Variants in CAB39L observed in about 807,000 individuals in gnomAD.
CAB39L encodes calcium-binding protein 39-like.
A neutral mutation model predicts 39.1 loss-of-function variants in CAB39L; 23 were observed. The observed-to-expected ratio is 0.59, with a 90% CI of 0.42 to 0.83. The LOEUF (loss-of-function observed/expected upper bound fraction) is 0.83, where lower values mean the gene tolerates loss of function less well. Among genes scored for constraint, CAB39L ranks in the 40% least tolerant of loss-of-function variants. The pLI is 0.00. For synonymous variants in CAB39L, 126 were observed against 137.2 expected (o/e 0.92, Z 0.57); for missense variants, 366 against 391.9 (o/e 0.93, Z 0.56).
chr13:49,348,140 T>A (rs1241894914), intron 7 of CAB39L, among the ~76,000 whole-genome samples: 4 of 152,154 alleles, frequency 2.6e-5, no homozygotes, highest in Middle Eastern at 6.8e-3. Context: ...ACCCGGACGC[T>A]AGAGGCCTTG....
In CAB39L at chr13:49,382,871, G is replaced by A. The variant is rs1566106191; in HGVS notation, c.40C>T (p.Pro14Ser). 1 of 1,611,218 alleles carries A rather than the reference G, an allele frequency of 6.2e-7. No homozygotes were observed. Among genetic ancestry groups the A allele is most frequent in the Non-Finnish European group, 8.5e-7 (1 of 1,178,746 alleles). Residue 14 changes from proline to serine, a missense_variant, in exon 4 of 11, where the codon CCA (proline) becomes TCA (serine). By Grantham distance (74) the Pro-to-Ser change is moderately conservative (BLOSUM62 -1). Coordinates refer to ENST00000409308, the MANE Select transcript of CAB39L (RefSeq NM_001079670.3). ...TTCAGGATTTTCACAATTTCTGCTG[G>A]ATTTTTGTGTGATTTACTAAACAAA... Reference protein sequence around the residue: ...MPLFSKSHKNPAEIVKILKDN... With the variant: ...MPLFSKSHKNSAEIVKILKDN...
chr13:49,339,883 G>A (rs1475749116), intron 8 of CAB39L, 141 bp from the exon 9 acceptor site: 5 of 1,054,106 alleles, frequency 4.7e-6, no homozygotes, highest in Non-Finnish European at 6.1e-6. Context: ...GACACTGGGG[G>A]ACAGGGAGGT....
At chr13:49,329,229 G>A (rs1410722974) in intron 10 of CAB39L, among the ~76,000 whole-genome samples, 1 of 152,080 alleles carries the variant, frequency 6.6e-6, no homozygotes, top group East Asian at 1.9e-4. Context: ...ATATCTGGTA[G>A]AGAAGATTAC....
intron 9 of CAB39L, among the ~76,000 whole-genome samples, chr13:49,337,973 G>T (rs900779152): frequency 2.6e-5 from 4 of 152,112 alleles, no homozygotes; most frequent in Non-Finnish European, 5.9e-5. Context: ...TTAACTAAAT[G>T]GAATGTCTTA....
At chr13:49,425,891 T>C (rs189636669) in intron 3 of CAB39L, among the ~76,000 whole-genome samples, 93 of 152,360 alleles carry the variant, frequency 6.1e-4, no homozygotes, top group African/African-American at 2.2e-3. Flanking sequence ...TTCTTTTTAA[T>C]GAAAGGTAGC....
Position 49,377,042 on chromosome 13 carries a change from A to T in CAB39L, c.201T>A (p.Ala67=), listed in dbSNP as rs1216114802. The T allele has an allele frequency of 3.1e-6, 5 of 1,613,752 alleles. No individual in the cohort carries two copies. In the Admixed American group the frequency reaches 8.3e-5, roughly 27 times the overall value. The change falls in exon 5 of 11, where the codon GCT becomes GCA. Residue 67 remains alanine, a synonymous_variant. Transcript: ENST00000409308. ...TGCTGTAGAGTTCTTGTGCTAGCTG[A>T]GCCACTGCTTCTGTTGGGGGTTCTT... ...NEKEPPTEAV[A]QLAQELYSSG... is the part of the protein sequence containing the mutation.
chr13:49,398,972 T>C (rs1476629114), intron 3 of CAB39L, among the ~76,000 whole-genome samples: 1 of 152,126 alleles, frequency 6.6e-6, no homozygotes, highest in African/African-American at 2.4e-5. Flanking sequence ...TCTTTTCTTG[T>C]TCTCTTCAGA....
chr13:49,397,329 T>A (rs150212826), intron 3 of CAB39L, among the ~76,000 whole-genome samples: 30 of 152,216 alleles, frequency 2.0e-4, no homozygotes, highest in African/African-American at 6.7e-4. Context: ...TAACCAAATT[T>A]GAGGGAGAGG....
intron 1 of CAB39L, among the ~76,000 whole-genome samples, chr13:49,442,782 C>T (rs1957551484): frequency 1.1e-5 from 1 of 87,106 alleles, no homozygotes; most frequent in Non-Finnish European, 2.0e-5. Context: ...CAAGAGACTC[C>T]ATCTCAAAAA....
chr13:49,415,246 G>A (rs1957063659), intron 3 of CAB39L, among the ~76,000 whole-genome samples: 1 of 151,556 alleles, frequency 6.6e-6, no homozygotes, highest in African/African-American at 2.4e-5. Context: ...GCCAGGCGCG[G>A]TGGCTCACAC....
At chr13:49,418,578 A>AT (rs971073532) in intron 3 of CAB39L, among the ~76,000 whole-genome samples, 3 of 152,130 alleles carry the variant, frequency 2.0e-5, no homozygotes, top group Non-Finnish European at 4.4e-5. Flanking sequence ...TTGTTTATTT[A>AT]TTTTTTTGAG....
intron 10 of CAB39L, among the ~76,000 whole-genome samples, chr13:49,314,833 G>A (rs1457696298): frequency 6.6e-6 from 1 of 152,196 alleles, no homozygotes; most frequent in Admixed American, 6.5e-5. Context: ...AGGTAACTGT[G>A]AGGCTTAATG....
intron 9 of CAB39L, among the ~76,000 whole-genome samples, chr13:49,334,120 A>G (rs931182020): frequency 2.0e-5 from 3 of 152,034 alleles, no homozygotes; most frequent in East Asian, 1.9e-4. Flanking sequence ...CTTTCATTCA[A>G]TGTTCACAGC....
chr13:49,391,610 G>A (rs1594044621), intron 3 of CAB39L, among the ~76,000 whole-genome samples: 1 of 152,206 alleles, frequency 6.6e-6, no homozygotes, highest in South Asian at 2.1e-4. Flanking sequence ...ATTTATATGG[G>A]TTTGTCATGC....
chr13:49,409,465 A>C (rs1461458065), intron 3 of CAB39L, among the ~76,000 whole-genome samples: 1 of 145,762 alleles, frequency 6.9e-6, no homozygotes, highest in Non-Finnish European at 1.5e-5. Context: ...AAAAAAAAAA[A>C]ACCTTTCAAC....
chr13:49,360,988 T>C (rs1955613756), intron 5 of CAB39L, among the ~76,000 whole-genome samples: 1 of 152,164 alleles, frequency 6.6e-6, no homozygotes, highest in South Asian at 2.1e-4. Flanking sequence ...ACTAATACAA[T>C]GACATTGCAT....
chr13:49,443,923 T>C, intron 1 of CAB39L, 63 bp downstream of exon 1: 2 of 456,712 alleles, frequency 4.4e-6, no homozygotes, highest in Non-Finnish European at 8.8e-6. Context: ...AGGCGCTATG[T>C]ATGTTTTCAA....
At chr13:49,360,011 A>T (rs1457614471) in intron 5 of CAB39L, among the ~76,000 whole-genome samples, 179 bp from the exon 6 acceptor site, 1 of 152,214 alleles carries the variant, frequency 6.6e-6, no homozygotes, top group East Asian at 1.9e-4. Flanking sequence ...TTGCAAACAC[A>T]GTCTACAAAA....
chr13:49,385,450 T>C (rs930851542), intron 3 of CAB39L, among the ~76,000 whole-genome samples: 4 of 152,212 alleles, frequency 2.6e-5, no homozygotes, highest in Non-Finnish European at 5.9e-5. Flanking sequence ...ATTATTTGTG[T>C]TTTCACTGGA....
Sources: allele counts gnomAD v4.1 joint callset (sites outside exome capture counted in the v4.1 genomes callset), GRCh38; gene constraint gnomAD v4.1.1; transcripts MANE v1.5; gene names NCBI Gene and HGNC (gene_info 2026-07-23, HGNC 2026-07-21).